SORCS2: variants seen among roughly 807,000 people sequenced by gnomAD.
SORCS2 encodes VPS10 domain-containing receptor SorCS2.
A neutral mutation model predicts 141.6 loss-of-function variants in SORCS2; 100 were observed. That is an observed-to-expected ratio of 0.71 (90% CI 0.60 to 0.83). The LOEUF is 0.83. Among genes scored for constraint, SORCS2 ranks in the 40% least tolerant of loss-of-function variants. The probability of loss-of-function intolerance (pLI) is 0.00; values close to 1 mark genes in which losing one functional copy is unlikely to be tolerated. For synonymous variants in SORCS2, 789 were observed against 676.9 expected, an observed-to-expected ratio of 1.17 and a Z score of -2.57; for missense variants, 1,646 against 1,560.2, an observed-to-expected ratio of 1.05 and a Z score of -0.93.
At chr4:7,247,879 C>T (rs1713217300) in intron 1 of SORCS2, among the ~76,000 whole-genome samples, 1 of 152,204 alleles carries the variant, frequency 6.6e-6, no homozygotes, top group South Asian at 2.1e-4. Context: ...AGGCCTGCAC[C>T]CTGGTGACAG....
At chr4:7,337,827 C>T (rs566059760) in intron 1 of SORCS2, among the ~76,000 whole-genome samples, 11 of 152,336 alleles carry the variant, frequency 7.2e-5, no homozygotes, top group Admixed American at 2.0e-4. Context: ...CACCTTCCCC[C>T]TGCCACTCCC....
chr4:7,376,920 G>A (rs146391547), intron 1 of SORCS2, among the ~76,000 whole-genome samples: 33 of 151,270 alleles, frequency 2.2e-4, no homozygotes, highest in African/African-American at 7.2e-4. Flanking sequence ...GCCCACGGAT[G>A]TTCCAGCCCC....
chr4:7,541,142 T>C (rs1319188985), intron 3 of SORCS2, among the ~76,000 whole-genome samples: 1 of 152,204 alleles, frequency 6.6e-6, no homozygotes, highest in East Asian at 1.9e-4. Context: ...AGACTGGCAT[T>C]ACACTTCGGG....
At chr4:7,311,872 TTTATTTTTA>T (rs1357748607) in intron 1 of SORCS2, among the ~76,000 whole-genome samples, 2 of 152,132 alleles carry the variant, frequency 1.3e-5, no homozygotes, top group Admixed American at 6.5e-5. Flanking sequence ...TTAGTTTATT[TTTATTTTTA>T]TTATTTTTAT....
chr4:7,303,319 TTA>T (rs1380693945), intron 1 of SORCS2, among the ~76,000 whole-genome samples: 1 of 152,034 alleles, frequency 6.6e-6, no homozygotes, highest in Non-Finnish European at 1.5e-5. Flanking sequence ...TTTCAAGGAG[TTA>T]TTAATGGATG....
At chr4:7,361,445 A>G (rs1721572490) in intron 1 of SORCS2, among the ~76,000 whole-genome samples, 1 of 152,188 alleles carries the variant, frequency 6.6e-6, no homozygotes. Flanking sequence ...CCTTGGGAGC[A>G]CGACTTGGCA....
chr4:7,321,186 C>G (rs897099979), intron 1 of SORCS2, among the ~76,000 whole-genome samples: 3 of 152,162 alleles, frequency 2.0e-5, no homozygotes, highest in Admixed American at 6.5e-5. Flanking sequence ...TAAGTGAGAA[C>G]ATAGAGTATT....
intron 1 of SORCS2, among the ~76,000 whole-genome samples, chr4:7,323,764 T>C (rs10937805): frequency 0.53 from 80,957 of 151,614 alleles, 22,442 homozygotes; most frequent in East Asian, 0.81. Context: ...TCTCCCCATT[T>C]CCCAGTTTCC....
intron 1 of SORCS2, among the ~76,000 whole-genome samples, chr4:7,273,842 C>CA (rs1715299769): frequency 2.0e-5 from 3 of 152,202 alleles, no homozygotes; most frequent in African/African-American, 7.2e-5. Flanking sequence ...CTCCCTCCCC[C>CA]AGGCTGCTTG....
intron 1 of SORCS2, among the ~76,000 whole-genome samples, chr4:7,374,155 C>T (rs1560229333): frequency 6.8e-6 from 1 of 146,706 alleles, no homozygotes; most frequent in Non-Finnish European, 1.5e-5. Context: ...TTCTTTCTTT[C>T]TTTCTTTCTT....
At chr4:7,686,228 A>G (rs1723862627) in intron 10 of SORCS2, among the ~76,000 whole-genome samples, 1 of 152,216 alleles carries the variant, frequency 6.6e-6, no homozygotes, top group African/African-American at 2.4e-5. Flanking sequence ...ATTCAGCTTC[A>G]TTGGAAAGTG....
chr4:7,694,627 A>G (rs1034019600), intron 11 of SORCS2, among the ~76,000 whole-genome samples: 1 of 152,190 alleles, frequency 6.6e-6, no homozygotes, highest in Non-Finnish European at 1.5e-5. Flanking sequence ...GGCGCCTGGG[A>G]TAGCAGAAAG....
At chr4:7,232,089 C>A (rs918436025) in intron 1 of SORCS2, among the ~76,000 whole-genome samples, 1 of 152,156 alleles carries the variant, frequency 6.6e-6, no homozygotes, top group Non-Finnish European at 1.5e-5. Flanking sequence ...ATGGCTTCTG[C>A]GGAGGGTGGT....
intron 3 of SORCS2, among the ~76,000 whole-genome samples, chr4:7,625,050 C>T (rs186825506): frequency 6.6e-6 from 1 of 152,330 alleles, no homozygotes; most frequent in East Asian, 1.9e-4. Context: ...CGATCAGACC[C>T]AAGATTTTCC....
rs147348167 is a variant in SORCS2, at chr4:7,536,672, C to T, written c.648+5043C>T. Among the ~76,000 whole-genome samples, 9 of 152,302 alleles carry T rather than the reference C, an allele frequency of 5.9e-5. No homozygotes were observed. In the South Asian group the frequency reaches 6.2e-4, roughly 11 times the overall value. ...TGTGATGGGCTGGGCTGGGACACTTCTGGGAAAGATATTTCAATGTAATAT... is the reference window on the plus strand; with the variant it reads ...TGTGATGGGCTGGGCTGGGACACTTTTGGGAAAGATATTTCAATGTAATAT... On this transcript the variant is annotated intron_variant, in intron 3 of 26. Coordinates refer to ENST00000507866, the MANE Select transcript of SORCS2 (RefSeq NM_020777.3).
intron 24 of SORCS2, among the ~76,000 whole-genome samples, chr4:7,734,047 G>T (rs938084761): frequency 2.0e-5 from 3 of 151,700 alleles, no homozygotes; most frequent in African/African-American, 4.8e-5. Context: ...AGGAACAGGT[G>T]GGGGACAGGA....
At chr4:7,617,828 G>A (rs2108821260) in intron 3 of SORCS2, among the ~76,000 whole-genome samples, 1 of 152,258 alleles carries the variant, frequency 6.6e-6, no homozygotes, top group East Asian at 1.9e-4. Context: ...CTGAGAAAGG[G>A]GGAGAAGGGG....
chr4:7,470,062 C>A (rs112309474), intron 2 of SORCS2, among the ~76,000 whole-genome samples: 1 of 152,168 alleles, frequency 6.6e-6, no homozygotes, highest in Non-Finnish European at 1.5e-5. Flanking sequence ...CAAGGGAAAA[C>A]GCTCCTCCCT....
At chr4:7,601,352 CAGT>C (rs1717652775) in intron 3 of SORCS2, among the ~76,000 whole-genome samples, 1 of 150,980 alleles carries the variant, frequency 6.6e-6, no homozygotes, top group South Asian at 2.1e-4. Flanking sequence ...TTTATTCAAA[CAGT>C]AGTAGTGCAA....
Sources: allele counts gnomAD v4.1 joint callset (sites outside exome capture counted in the v4.1 genomes callset), GRCh38; gene constraint gnomAD v4.1.1; transcripts MANE v1.5; gene names NCBI Gene and HGNC (gene_info 2026-07-23, HGNC 2026-07-21).